NCOA2: variants seen among roughly 807,000 people sequenced by gnomAD.
NCOA2 encodes nuclear receptor coactivator 2.
A neutral mutation model predicts 145.1 loss-of-function variants in NCOA2; 21 were observed. The ratio of observed to expected loss-of-function variants is 0.14; its 90% CI spans 0.10 to 0.21. The LOEUF (loss-of-function observed/expected upper bound fraction) is 0.21. Ranked by LOEUF, NCOA2 falls within the 10% of genes least tolerant of loss-of-function variation. The pLI, the probability that NCOA2 is intolerant of heterozygous loss-of-function variation, is 1.00. For synonymous variants in NCOA2, 619 were observed against 637.5 expected (o/e 0.97, Z 0.44); for missense variants, 1,472 against 1,837.6 (o/e 0.80, Z 3.64).
chr8:70,431,385 A>G, the NCOA2 span, among the ~76,000 whole-genome samples: 5 of 152,208 alleles, frequency 3.3e-5, no homozygotes, highest in Non-Finnish European at 5.9e-5. Context: ...TGACATTGCC[A>G]AAGGATAATG....
intron 13 of NCOA2, among the ~76,000 whole-genome samples, chr8:70,141,664 T>C (rs1810450498): frequency 6.6e-6 from 1 of 152,180 alleles, no homozygotes. Flanking sequence ...TAGAAACAGG[T>C]GCCGTGGCGT....
intron 2 of NCOA2, chr8:70,273,484 T>C: frequency 1.6e-6 from 1 of 639,194 alleles, no homozygotes; most frequent in Non-Finnish European, 2.7e-6. Context: ...CCACAGCAAA[T>C]GATAAAAAAC....
chr8:70,189,368 T>C (rs976716522), intron 4 of NCOA2, among the ~76,000 whole-genome samples: 14 of 152,222 alleles, frequency 9.2e-5, no homozygotes, highest in African/African-American at 3.1e-4. Context: ...TACTGTATCA[T>C]ATAAATCGTC....
At chr8:70,349,171 T>G (rs565924922) in intron 1 of NCOA2, among the ~76,000 whole-genome samples, 17 of 152,064 alleles carry the variant, frequency 1.1e-4, no homozygotes, top group Admixed American at 1.1e-3. Flanking sequence ...AGTAACAGTA[T>G]AGTCCCTACT....
chr8:70,263,032 T>C (rs1347586688), intron 2 of NCOA2, among the ~76,000 whole-genome samples: 2 of 151,712 alleles, frequency 1.3e-5, no homozygotes, highest in East Asian at 3.9e-4. Flanking sequence ...TTTTTGTCAA[T>C]AACTTTCACT....
intron 1 of NCOA2, among the ~76,000 whole-genome samples, chr8:70,302,957 C>T (rs549403690): frequency 3.4e-4 from 52 of 152,272 alleles, no homozygotes; most frequent in Non-Finnish European, 5.9e-4. Context: ...ATCACACTCA[C>T]GGATCTCATT....
At chr8:70,138,906 G>A (rs1810053842) in intron 14 of NCOA2, among the ~76,000 whole-genome samples, 1 of 152,230 alleles carries the variant, frequency 6.6e-6, no homozygotes, top group Non-Finnish European at 1.5e-5. Context: ...CTACCATAAC[G>A]CTTGGGCGAT....
At chr8:70,364,436 C>A (rs542675242) in intron 1 of NCOA2, among the ~76,000 whole-genome samples, 3 of 152,188 alleles carry the variant, frequency 2.0e-5, no homozygotes, top group Admixed American at 6.5e-5. Context: ...CAGAAAAATG[C>A]AATGTTTTTG....
intron 2 of NCOA2, 45 bp from the exon 3 acceptor site, chr8:70,216,809 T>C: frequency 8.1e-7 from 1 of 1,228,364 alleles, no homozygotes; most frequent in South Asian, 1.2e-5. Flanking sequence ...TGAAGAGAGC[T>C]GATGATGAAG....
At position 70,216,704 on chromosome 8, in the gene NCOA2, T is replaced by C; in HGVS notation, c.42A>G (p.Ala14=). The C allele has an allele frequency of 6.2e-7, 1 of 1,613,874 alleles. No homozygotes were observed. The highest frequency in any genetic ancestry group is 1.1e-5 in the South Asian group (1 of 91,088). ...GACATTCCTTGCGCTTTCTTGTCTC[T>C]GCCCTGGAGGGGTCAGAGGTATTTT... ...MGENTSDPSR[A]ETRKRKECPD... is the part of the protein sequence containing the mutation. The change falls in exon 3 of 23, where the codon GCA becomes GCG. Residue 14 remains alanine, a synonymous_variant. Coordinates refer to ENST00000452400, the MANE Select transcript of NCOA2 (RefSeq NM_006540.4).
chr8:70,383,879 T>C (rs1812438747), intron 1 of NCOA2, among the ~76,000 whole-genome samples: 1 of 152,240 alleles, frequency 6.6e-6, no homozygotes, highest in Non-Finnish European at 1.5e-5. Context: ...CCTTTGAACT[T>C]CATAAACAGA....
chr8:70,267,560 G>A (rs1260118056), intron 2 of NCOA2, among the ~76,000 whole-genome samples: 1 of 151,852 alleles, frequency 6.6e-6, no homozygotes, highest in Non-Finnish European at 1.5e-5. Context: ...ACCATGCCCG[G>A]CTAATTTTTT....
At chr8:70,200,421 G>A (rs1315723507) in intron 4 of NCOA2, among the ~76,000 whole-genome samples, 5 of 152,112 alleles carry the variant, frequency 3.3e-5, no homozygotes. Flanking sequence ...AAGGCATACA[G>A]CATTACTGCC....
At chr8:70,409,379 G>C in the NCOA2 span, among the ~76,000 whole-genome samples, 1 of 152,166 alleles carries the variant, frequency 6.6e-6, no homozygotes, top group African/African-American at 2.4e-5. Flanking sequence ...GAACAGAATA[G>C]AGAATTCAGA....
At chr8:70,149,436 G>A (rs1423720816) in intron 11 of NCOA2, among the ~76,000 whole-genome samples, 2 of 149,004 alleles carry the variant, frequency 1.3e-5, no homozygotes, top group African/African-American at 4.9e-5. Context: ...TTTTAGAGAT[G>A]GGGGTCTCAT....
intron 2 of NCOA2, among the ~76,000 whole-genome samples, chr8:70,218,931 A>G (rs1819896988): frequency 6.6e-6 from 1 of 152,182 alleles, no homozygotes. Context: ...ATATACTAAA[A>G]TGTATAGTAT....
At chr8:70,352,175 A>G (rs1809306279) in intron 1 of NCOA2, among the ~76,000 whole-genome samples, 1 of 152,174 alleles carries the variant, frequency 6.6e-6, no homozygotes, top group Non-Finnish European at 1.5e-5. Flanking sequence ...CTGTTTATTA[A>G]GCATCTACTA....
chr8:70,229,159 G>C (rs547613221), intron 2 of NCOA2, among the ~76,000 whole-genome samples: 10 of 152,186 alleles, frequency 6.6e-5, no homozygotes, highest in African/African-American at 2.4e-4. Flanking sequence ...AAATCTATTT[G>C]CATTTATTTT....
At chr8:70,127,108 A>C in intron 18 of NCOA2, 61 bp from the exon 19 acceptor site, 1 of 1,229,416 alleles carries the variant, frequency 8.1e-7, no homozygotes, top group Non-Finnish European at 1.2e-6. Flanking sequence ...TAAAAAACAA[A>C]GTGAGTATTA....
Sources: allele counts gnomAD v4.1 joint callset (sites outside exome capture counted in the v4.1 genomes callset), GRCh38; gene constraint gnomAD v4.1.1; transcripts MANE v1.5; gene names NCBI Gene and HGNC (gene_info 2026-07-23, HGNC 2026-07-21).